Variants in HS6ST2 observed in about 807,000 individuals in gnomAD.
The protein encoded by HS6ST2 is heparan-sulfate 6-O-sulfotransferase 2.
Under a neutral mutation model 33.0 loss-of-function variants are expected in HS6ST2, and 17 were observed. The ratio of observed to expected loss-of-function variants is 0.52; its 90% CI spans 0.35 to 0.77. The LOEUF is 0.77. Among genes scored for constraint, HS6ST2 ranks in the 30% least tolerant of loss-of-function variants. The probability of loss-of-function intolerance (pLI) is 0.01; values close to 1 mark genes in which losing one functional copy is unlikely to be tolerated. For missense variants in HS6ST2, 519 were observed against 551.7 expected (o/e 0.94, Z 0.59); for synonymous variants, 248 against 237.1 (o/e 1.05, Z -0.42).
chrX:132,806,687 T>G (rs761353025), intron 2 of HS6ST2, among the ~76,000 whole-genome samples: 5 of 109,961 alleles, frequency 4.5e-5, no homozygotes, highest in African/African-American at 1.3e-4. Context: ...GAAATTTGAA[T>G]TTCATATAAT....
intron 2 of HS6ST2, among the ~76,000 whole-genome samples, chrX:132,799,118 G>C (rs998132382): frequency 2.7e-5 from 3 of 111,444 alleles, no homozygotes; most frequent in Non-Finnish European, 5.7e-5. Context: ...ATTAACAAGA[G>C]GTGAGTTTCT....
Position 132,956,950 on chromosome X carries a change from G to A in HS6ST2, c.805C>T (p.Arg269Trp). The A allele has an allele frequency of 1.7e-6, 2 of 1,208,235 alleles. No individual in the cohort carries two copies. The highest frequency in any genetic ancestry group is 2.2e-6 in the Non-Finnish European group (2 of 893,709). Reference protein sequence around the residue: ...RVGQKKCTCHRPGKRETWLFS... With the variant: ...RVGQKKCTCHWPGKRETWLFS... ...AGCCAGGTTTCCCGCTTACCCGGCC[G>A]GTGGCAAGTGCATTTCTTCTGACCC... Residue 269 changes from arginine to tryptophan, a missense_variant, in exon 2 of 5, where the codon CGG becomes TGG. By Grantham distance (101) the Arg-to-Trp change is moderately radical. Transcript: ENST00000370833.
At chrX:132,884,543 A>G (rs1332114512) in intron 2 of HS6ST2, among the ~76,000 whole-genome samples, 1 of 112,241 alleles carries the variant, frequency 8.9e-6, no homozygotes, top group Non-Finnish European at 1.9e-5. Flanking sequence ...GTGCCATCAC[A>G]AAGTACAAAG....
intron 2 of HS6ST2, among the ~76,000 whole-genome samples, chrX:132,847,339 T>C (rs948524848): frequency 9.0e-5 from 10 of 111,187 alleles, no homozygotes; most frequent in South Asian, 3.9e-4. Flanking sequence ...CTCTGGACTC[T>C]ACCCATTAGA....
chrX:132,803,165 C>A (rs1217037955), intron 2 of HS6ST2, among the ~76,000 whole-genome samples: 2 of 111,707 alleles, frequency 1.8e-5, no homozygotes, highest in African/African-American at 6.5e-5. Context: ...CCTTTGTTTG[C>A]CCCTTATTGG....
At chrX:132,909,797 A>G (rs938359755) in intron 2 of HS6ST2, among the ~76,000 whole-genome samples, 1 of 111,589 alleles carries the variant, frequency 9.0e-6, no homozygotes, top group African/African-American at 3.3e-5. Context: ...AAAGGCAAAA[A>G]ATGTACATTA....
chrX:132,633,806 C>G (rs1170061512), intron 4 of HS6ST2, among the ~76,000 whole-genome samples: 1 of 112,072 alleles, frequency 8.9e-6, no homozygotes, highest in East Asian at 2.8e-4. Flanking sequence ...TATATAGCTT[C>G]AAGGCCCCGC....
intron 2 of HS6ST2, among the ~76,000 whole-genome samples, chrX:132,843,669 G>C (rs1360932211): frequency 1.8e-5 from 2 of 111,436 alleles, no homozygotes; most frequent in African/African-American, 6.5e-5. Flanking sequence ...CCTAGAACGA[G>C]GGGATTGTAG....
chrX:132,651,105 T>C (rs1263062), intron 4 of HS6ST2, among the ~76,000 whole-genome samples: 50,419 of 110,717 alleles, frequency 0.46, 10,107 homozygotes, highest in African/African-American at 0.79. Flanking sequence ...GGCCTCAAAT[T>C]TCTCTCCTAC....
chrX:132,861,182 T>C (rs1444567304), intron 2 of HS6ST2, among the ~76,000 whole-genome samples: 1 of 112,001 alleles, frequency 8.9e-6, no homozygotes. Context: ...ACATTTTCCA[T>C]GTTGCTACAC....
At position 132,759,775 on chromosome X, in the gene HS6ST2, C is replaced by T. The variant is rs966239112; in HGVS notation, c.948-51281G>A. ...GAAGATGCAAAATCTTCAACAGCAACAACAACAACAACAATACAATCAGCT... is the reference window on the plus strand; with the variant it reads ...GAAGATGCAAAATCTTCAACAGCAATAACAACAACAACAATACAATCAGCT... On this transcript the variant is annotated intron_variant, in intron 2 of 4. Coordinates refer to ENST00000370833, the MANE Select transcript of HS6ST2 (RefSeq NM_001394073.1). 5.7e-4 allele frequency among the ~76,000 whole-genome samples: 64 copies of T among 111,753 alleles called. 1 individual carries two copies. Among genetic ancestry groups the T allele is most frequent in the Admixed American group, 2.8e-4 (3 of 10,532 alleles).
chrX:132,944,597 C>T (rs2066925138), intron 2 of HS6ST2, among the ~76,000 whole-genome samples: 1 of 111,747 alleles, frequency 8.9e-6, no homozygotes, highest in South Asian at 3.8e-4. Context: ...TACCTGACTT[C>T]AAACTATACT....
chrX:132,954,256 C>T (rs1453440728), intron 2 of HS6ST2, among the ~76,000 whole-genome samples: 1 of 111,661 alleles, frequency 9.0e-6, no homozygotes, highest in African/African-American at 3.3e-5. Flanking sequence ...AACTCCCAGG[C>T]CAGAAAGGTG....
intron 2 of HS6ST2, among the ~76,000 whole-genome samples, chrX:132,923,429 C>T (rs753192095): frequency 9.0e-5 from 10 of 111,340 alleles, no homozygotes; most frequent in Admixed American, 8.6e-4. Context: ...TTTTGGTTTA[C>T]AAGAGCAACA....
rs745468279 is a variant in HS6ST2 at position 132,687,844 on chromosome X, G to A, written c.981-18645C>T. ...GCTCACTGCAACCTCTGCCTCCCAG[G>A]TGCAAGTGATTCTCCTGCCTCAGCC... On this transcript the variant is annotated intron_variant, in intron 3 of 4. Coordinates refer to ENST00000370833, the MANE Select transcript of HS6ST2 (RefSeq NM_001394073.1). Among the ~76,000 whole-genome samples, 7 of 110,970 alleles carry A rather than the reference G, an allele frequency of 6.3e-5. No homozygotes were observed. In the East Asian group the frequency reaches 1.7e-3, roughly 27 times the overall value.
chrX:132,685,455 G>A (rs766568704), intron 3 of HS6ST2, among the ~76,000 whole-genome samples: 66 of 111,887 alleles, frequency 5.9e-4, no homozygotes, highest in Non-Finnish European at 1.1e-3. Context: ...AGTGTAGGCG[G>A]TGTGACAAAG....
intron 3 of HS6ST2, among the ~76,000 whole-genome samples, chrX:132,669,408 C>G (rs1174005939): frequency 1.9e-5 from 2 of 103,470 alleles, no homozygotes; most frequent in African/African-American, 3.6e-5. Context: ...AACCACTGGT[C>G]AAGTTCAAAG....
intron 2 of HS6ST2, among the ~76,000 whole-genome samples, chrX:132,855,801 C>T (rs1459248198): frequency 1.8e-5 from 2 of 110,902 alleles, no homozygotes; most frequent in Non-Finnish European, 3.8e-5. Context: ...CTCGCTGTTC[C>T]TTGCTCATGC....
At chrX:132,812,224 G>A (rs1179136534) in intron 2 of HS6ST2, among the ~76,000 whole-genome samples, 1 of 108,666 alleles carries the variant, frequency 9.2e-6, no homozygotes, top group African/African-American at 3.3e-5. Context: ...GGCCAACATG[G>A]TGAAACCCTG....
Sources: gnomAD v4.1 joint callset for allele counts (sites outside exome capture counted in the v4.1 genomes callset) on GRCh38, gnomAD v4.1.1 for gene constraint, MANE v1.5 for transcripts, NCBI Gene and HGNC (gene_info 2026-07-23, HGNC 2026-07-21) for gene names.